The following CEP85L variants were observed in gnomAD, a reference collection of about 807,000 sequenced individuals.
CEP85L encodes the protein centrosomal protein 85L, also known as centrosomal protein of 85 kDa-like.
Under a neutral mutation model 100.3 loss-of-function variants are expected in CEP85L, and 60 were observed. The observed-to-expected ratio is 0.60, with a 90% confidence interval of 0.49 to 0.74. The LOEUF is 0.74. Among genes scored for constraint, CEP85L ranks in the 30% least tolerant of loss-of-function variants. The probability of loss-of-function intolerance (pLI) is 0.00; values close to 1 mark genes in which losing one functional copy is unlikely to be tolerated. For synonymous variants in CEP85L, 319 were observed against 322.7 expected, an observed-to-expected ratio of 0.99 and a Z score of 0.12; for missense variants, 973 against 936.2, an observed-to-expected ratio of 1.04 and a Z score of -0.51.
intron 2 of CEP85L, among the ~76,000 whole-genome samples, chr6:118,592,286 T>A (rs1022662409): frequency 6.6e-6 from 1 of 151,148 alleles, no homozygotes. Flanking sequence ...TCTCCACCAC[T>A]TGAAAAGCTA....
chr6:118,557,732 T>A (rs894287648), intron 3 of CEP85L, among the ~76,000 whole-genome samples: 1 of 152,114 alleles, frequency 6.6e-6, no homozygotes, highest in Non-Finnish European at 1.5e-5. Flanking sequence ...TACAAATTAT[T>A]ATCGAATAAA....
intron 3 of CEP85L, 51 bp from the exon 4 acceptor site, chr6:118,523,971 A>C: frequency 4.3e-6 from 3 of 689,868 alleles, no homozygotes; most frequent in Non-Finnish European, 6.8e-6. Flanking sequence ...TAAAGAAAAT[A>C]TTTATATATT....
At chr6:118,566,930 GAA>G (rs1293198589) in intron 2 of CEP85L, among the ~76,000 whole-genome samples, 1 of 151,918 alleles carries the variant, frequency 6.6e-6, no homozygotes, top group Non-Finnish European at 1.5e-5. Flanking sequence ...CCTTTAAAAG[GAA>G]AAATCCAACT....
At chr6:118,584,539 C>T (rs574819655) in intron 2 of CEP85L, among the ~76,000 whole-genome samples, 1 of 152,302 alleles carries the variant, frequency 6.6e-6, no homozygotes, top group Admixed American at 6.5e-5. Flanking sequence ...GCAAGCCTTG[C>T]TTAAGGCACC....
chr6:118,633,496 G>A (rs1163053309), intron 1 of CEP85L, among the ~76,000 whole-genome samples: 2 of 152,216 alleles, frequency 1.3e-5, no homozygotes, highest in Middle Eastern at 3.4e-3. Context: ...GAGCCACCGC[G>A]CCCAGCTAGA....
chr6:118,543,212 G>C (rs2114889257), intron 3 of CEP85L, among the ~76,000 whole-genome samples: 1 of 152,198 alleles, frequency 6.6e-6, no homozygotes, highest in Non-Finnish European at 1.5e-5. Flanking sequence ...GTCAAAGTGT[G>C]AACAAGTTAA....
chr6:118,478,811 T>C (rs1271203414), intron 10 of CEP85L, among the ~76,000 whole-genome samples: 1 of 152,154 alleles, frequency 6.6e-6, no homozygotes, highest in East Asian at 1.9e-4. Flanking sequence ...TAAGAGTAAA[T>C]TGCAGTAAGA....
At chr6:118,529,879 A>G (rs1734496618) in intron 3 of CEP85L, among the ~76,000 whole-genome samples, 1 of 152,120 alleles carries the variant, frequency 6.6e-6, no homozygotes, top group Admixed American at 6.5e-5. Context: ...AAAATGAAGC[A>G]CAATATAAAT....
chr6:118,538,110 A>C (rs1358508295), intron 3 of CEP85L: 2 of 247,736 alleles, frequency 8.1e-6, no homozygotes, highest in Non-Finnish European at 1.3e-5. Flanking sequence ...AACTAAGCCC[A>C]TGTAATTATT....
intron 2 of CEP85L, among the ~76,000 whole-genome samples, chr6:118,602,768 C>G (rs1781848697): frequency 6.6e-6 from 1 of 151,396 alleles, no homozygotes; most frequent in South Asian, 2.1e-4. Context: ...GACATAAGCT[C>G]TTTTTTAAAT....
intron 2 of CEP85L, among the ~76,000 whole-genome samples, chr6:118,628,343 G>A (rs994229003): frequency 3.3e-5 from 5 of 152,092 alleles, no homozygotes; most frequent in African/African-American, 9.7e-5. Flanking sequence ...AATGTAAGCC[G>A]AGGGATAAAA....
At chr6:118,594,327 T>C (rs1387643578) in intron 2 of CEP85L, among the ~76,000 whole-genome samples, 4 of 152,288 alleles carry the variant, frequency 2.6e-5, no homozygotes, top group African/African-American at 7.2e-5. Context: ...CCTCAAAATT[T>C]ATAGTATTCA....
intron 2 of CEP85L, among the ~76,000 whole-genome samples, chr6:118,576,534 T>C (rs1217602308): frequency 2.6e-5 from 4 of 152,264 alleles, no homozygotes; most frequent in Non-Finnish European, 4.4e-5. Context: ...AATGTAACTA[T>C]GCTTGTCTAG....
intron 2 of CEP85L, among the ~76,000 whole-genome samples, chr6:118,628,268 C>T (rs1773930431): frequency 6.6e-6 from 1 of 151,956 alleles, no homozygotes; most frequent in African/African-American, 2.4e-5. Flanking sequence ...GAATTTAAAA[C>T]AACTATGATA....
intron 1 of CEP85L, among the ~76,000 whole-genome samples, chr6:118,650,652 T>G (rs748876218): frequency 6.6e-6 from 1 of 152,038 alleles, no homozygotes; most frequent in Non-Finnish European, 1.5e-5. Context: ...AGCGGCCGCA[T>G]CTCTGGCAGC....
chr6:118,671,934 C>A (rs978157686), intron 1 of CEP85L, among the ~76,000 whole-genome samples: 28 of 152,094 alleles, frequency 1.8e-4, no homozygotes, highest in African/African-American at 6.8e-4. Flanking sequence ...GAGACTCTAT[C>A]CCCCAAAAAT....
intron 2 of CEP85L, among the ~76,000 whole-genome samples, chr6:118,578,936 C>T (rs1349378424): frequency 6.6e-6 from 1 of 152,078 alleles, no homozygotes; most frequent in African/African-American, 2.4e-5. Flanking sequence ...CACTCTGTCA[C>T]CCAGGCTGGT....
intron 2 of CEP85L, among the ~76,000 whole-genome samples, chr6:118,603,262 A>T (rs1781875771): frequency 6.6e-6 from 1 of 152,176 alleles, no homozygotes; most frequent in Non-Finnish European, 1.5e-5. Context: ...CTCTTTACTT[A>T]CCACAGGTCA....
chr6:118,696,804 T>C (rs1383192562), intron 1 of CEP85L, among the ~76,000 whole-genome samples: 2 of 152,146 alleles, frequency 1.3e-5, no homozygotes, highest in Non-Finnish European at 1.5e-5. Context: ...CGTTCTAAGA[T>C]AGGGTGGTGC....
Sources: allele counts gnomAD v4.1 joint callset (sites outside exome capture counted in the v4.1 genomes callset), GRCh38; gene constraint gnomAD v4.1.1; transcripts MANE v1.5; gene names NCBI Gene and HGNC (gene_info 2026-07-23, HGNC 2026-07-21).